The following RIPK1 variants were observed in gnomAD, a reference collection of about 807,000 sequenced individuals.
RIPK1 encodes the protein receptor interacting serine/threonine kinase 1.
In RIPK1, 27 loss-of-function variants were observed where a neutral mutation model predicts 62.4. That is an observed-to-expected ratio of 0.43 (90% CI 0.32 to 0.60). The LOEUF (loss-of-function observed/expected upper bound fraction) is 0.60, where lower values mean the gene tolerates loss of function less well. RIPK1 is among the 20% of genes least tolerant of loss of function. The pLI is 0.07. For synonymous variants in RIPK1, 287 were observed against 303.2 expected, an observed-to-expected ratio of 0.95 and a Z score of 0.55; for missense variants, 735 against 831.0, an observed-to-expected ratio of 0.88 and a Z score of 1.42.
chr6:3,087,633 G>A (rs1467276362), intron 6 of RIPK1, among the ~76,000 whole-genome samples: 2 of 151,114 alleles, frequency 1.3e-5, no homozygotes, highest in Non-Finnish European at 1.5e-5. Flanking sequence ...TCTGCCTCCT[G>A]GGTTCACGCC....
At chr6:3,094,965 G>T (rs1213020062) in intron 7 of RIPK1, among the ~76,000 whole-genome samples, 1 of 152,032 alleles carries the variant, frequency 6.6e-6, no homozygotes, top group African/African-American at 2.4e-5. Context: ...GGCTGAGATG[G>T]GAGGACTGCT....
chr6:3,066,557 T>C (rs183436162), upstream of RIPK1, among the ~76,000 whole-genome samples: 3 of 152,002 alleles, frequency 2.0e-5, no homozygotes, highest in Admixed American at 2.0e-4. Context: ...AAATAATGAA[T>C]AGACTTTGTT....
In RIPK1 at chr6:3,085,311, A is replaced by G; in HGVS notation, c.741A>G (p.Pro247=). The G allele has an allele frequency of 6.2e-7, 1 of 1,614,260 alleles. No homozygotes were observed. Among genetic ancestry groups the G allele is most frequent in the Non-Finnish European group, 8.5e-7 (1 of 1,180,044 alleles). Residue 247 remains proline, a synonymous_variant, in exon 6 of 11, where the codon CCA becomes CCG. Transcript: ENST00000259808. The part of the protein sequence containing the change: ...LIMCIKSGNR[P]DVDDITEYCP... The stretch of plus-strand genomic sequence containing the variant: ...TGTGCATAAAATCTGGGAACAGGCC[A>G]GATGTGGATGACATCACTGAGTACT...
rs533101881 is a variant in RIPK1 at position 3,103,273 on chromosome 6, CT to C, written c.916-947del. Among the ~76,000 whole-genome samples the C allele has an allele frequency of 5.2e-3, 784 of 150,564 alleles. 7 individuals are homozygous for C. The highest frequency in any genetic ancestry group is 0.019 in the African/African-American group (768 of 40,858). ...GTTTTCAGATATATATTGTTTGCAA[CT>C]TTTTCCCCATTATTTTATTTTATTT... On this transcript the variant is annotated intron_variant, in intron 7 of 10. Coordinates refer to ENST00000259808, the MANE Select transcript of RIPK1 (RefSeq NM_001354930.2).
chr6:3,070,262 G>A (rs1758641892), intron 1 of RIPK1, among the ~76,000 whole-genome samples: 2 of 152,156 alleles, frequency 1.3e-5, no homozygotes, highest in South Asian at 4.1e-4. Flanking sequence ...AAACTGGGCA[G>A]CTTACTTTTT....
chr6:3,080,090 C>A (rs2064310), intron 3 of RIPK1, among the ~76,000 whole-genome samples: 134,391 of 152,258 alleles, frequency 0.88, 60,024 homozygotes, highest in Non-Finnish European at 0.96. Flanking sequence ...ATCTTTTCTG[C>A]TACTTTCTGT....
intron 7 of RIPK1, among the ~76,000 whole-genome samples, chr6:3,098,060 G>A (rs17513181): frequency 0.016 from 2,370 of 152,258 alleles, 29 homozygotes; most frequent in Non-Finnish European, 0.024. Context: ...TTAGCTGGGC[G>A]TGGTGGTGCC....
rs1761238277 is a variant in RIPK1, at chr6:3,112,930, G to A, written c.1730-123G>A. 8.0e-6 allele frequency: 6 copies of A among 752,624 alleles called. No individual in the cohort carries two copies. In the South Asian group the frequency reaches 1.5e-4, roughly 19 times the overall value. The allele number at this position is 752,624 out of a possible 1,614,324, so 46.6% of individuals were successfully genotyped here. Reference sequence around the variant, plus strand: ...AGTGCATCAACAGCTATATAACTAAGAAGTTATCTTTTTCACTGTCTTCTG... The same window carrying A: ...AGTGCATCAACAGCTATATAACTAAAAAGTTATCTTTTTCACTGTCTTCTG... On this transcript the variant is annotated intron_variant, in intron 10 of 10. Transcript: ENST00000259808.
intron 4 of RIPK1, among the ~76,000 whole-genome samples, chr6:3,082,021 C>T (rs994788881): frequency 4.6e-5 from 7 of 151,218 alleles, no homozygotes; most frequent in Admixed American, 2.0e-4. Context: ...TTTCCATTGT[C>T]GTAAAGGGAA....
In RIPK1 at chr6:3,081,175, T is replaced by A. The variant is rs9392452; in HGVS notation, c.459+59T>A. ...GGTGATTTTAGTTTTAATTCTCCAA[T>A]GTAAATCCATTCTCGTACATTGGAG... On this transcript the variant is annotated intron_variant, in intron 4 of 10. Transcript: ENST00000259808. The A allele has an allele frequency of 3.5e-4, 556 of 1,578,180 alleles. 1 individual carries two copies. The highest frequency in any genetic ancestry group is 4.5e-4 in the Non-Finnish European group (520 of 1,154,042).
At position 3,072,584 on chromosome 6, in the gene RIPK1, C is replaced by T. The variant is rs150214166; in HGVS notation, c.-61+3923C>T. ...AATAGTTATTCAATTGATGATGGGCCGGCATACGTTGGGTTCTGCTAGGCT... is the reference window on the plus strand; with the variant it reads ...AATAGTTATTCAATTGATGATGGGCTGGCATACGTTGGGTTCTGCTAGGCT... On this transcript the variant is annotated intron_variant, in intron 1 of 10. Transcript: ENST00000259808. The surrounding 1 kb of genome is among the most constrained non-coding windows in gnomAD (Gnocchi z 5.6). Among the ~76,000 whole-genome samples, 381 of 152,032 alleles carry T rather than the reference C, an allele frequency of 2.5e-3. No individual in the cohort carries two copies. The highest frequency in any genetic ancestry group is 3.1e-3 in the Non-Finnish European group (214 of 67,984).
rs763550006 is a variant in RIPK1, at chr6:3,076,945, T to C, written c.122T>C (p.Leu41Pro). The C allele has an allele frequency of 6.2e-7, 1 of 1,610,946 alleles. No homozygotes were observed. The highest frequency in any genetic ancestry group is 1.1e-5 in the South Asian group (1 of 90,724). ...CTGTGTTTCCACAGAACCCAGGGAC[T>C]CATGATCATGAAAACAGTGTACAAG... is the stretch of plus-strand genomic sequence containing the variant. ...VSLCFHRTQG[L>P]MIMKTVYKGP... The change falls in exon 2 of 11, where the codon CTC (leucine) becomes CCC (proline). Residue 41 changes from leucine to proline, a missense_variant. This residue lies in a region of RIPK1 where 671 missense variants were observed against 726.2 expected (regional missense o/e 0.92). Transcript: ENST00000259808.
chr6:3,084,698 A>G (rs1759597583), intron 5 of RIPK1, among the ~76,000 whole-genome samples: 1 of 151,474 alleles, frequency 6.6e-6, no homozygotes, highest in South Asian at 2.1e-4. Flanking sequence ...GGTTCAAGCA[A>G]TTCTTCTGCC....
At chr6:3,086,132 T>G (rs114693842) in intron 6 of RIPK1, among the ~76,000 whole-genome samples, 1 of 152,316 alleles carries the variant, frequency 6.6e-6, no homozygotes, top group African/African-American at 2.4e-5. Flanking sequence ...TGAGGAAAGG[T>G]GCCGGGATGT....
intron 7 of RIPK1, among the ~76,000 whole-genome samples, chr6:3,095,920 C>CTGTA (rs1187224734): frequency 1.3e-5 from 2 of 150,388 alleles, no homozygotes; most frequent in African/African-American, 4.9e-5. Flanking sequence ...TCACGGCTTA[C>CTGTA]TGTATCCTTG....
intron 3 of RIPK1, among the ~76,000 whole-genome samples, 184 bp from the exon 4 acceptor site, chr6:3,080,795 C>T (rs895358259): frequency 6.8e-6 from 1 of 146,012 alleles, no homozygotes; most frequent in African/African-American, 2.8e-5. Context: ...CACGAATACC[C>T]TCTGCCCCCC....
upstream of RIPK1, chr6:3,068,422 A>C (rs1758488415): frequency 1.0e-6 from 1 of 985,476 alleles, no homozygotes; most frequent in South Asian, 4.7e-5. Context: ...AGGTCCCACG[A>C]GCGGCGGGGC....
intron 1 of RIPK1, among the ~76,000 whole-genome samples, chr6:3,073,112 A>G (rs1338168476): frequency 1.3e-5 from 2 of 152,114 alleles, no homozygotes; most frequent in Non-Finnish European, 2.9e-5. Context: ...ACATATGTAC[A>G]TATATACGCA....
Position 3,113,447 on chromosome 6 carries a change from T to C in RIPK1, c.*108T>C. The C allele has an allele frequency of 9.4e-7, 1 of 1,065,336 alleles. No individual in the cohort carries two copies. Among genetic ancestry groups the C allele is most frequent in the Non-Finnish European group, 1.3e-6 (1 of 751,056 alleles). 66.0% of individuals were successfully genotyped at this position (1,065,336 alleles called of 1,614,324 possible). On this transcript the variant is annotated 3_prime_UTR_variant, in exon 11 of 11. Coordinates refer to ENST00000259808, the MANE Select transcript of RIPK1 (RefSeq NM_001354930.2). The surrounding 1 kb of genome is among the most constrained non-coding windows in gnomAD (Gnocchi z 5.0). ...ATTCTGTCCTCACTGATAGGGGTTC[T>C]GTGTCTGCAGAAATTTTGTTTCCTG... is the stretch of plus-strand genomic sequence containing the variant.
Sources: allele counts gnomAD v4.1 joint callset (sites outside exome capture counted in the v4.1 genomes callset), GRCh38; gene constraint gnomAD v4.1.1; regional missense constraint gnomAD v4.1.1; non-coding constraint Gnocchi (gnomAD v3.1); transcripts MANE v1.5; gene names NCBI Gene and HGNC (gene_info 2026-07-23, HGNC 2026-07-21).